The following FER1L6 variants were observed in gnomAD, a reference collection of about 807,000 sequenced individuals.
FER1L6 encodes fer-1 like family member 6.
In FER1L6, 177 loss-of-function variants were observed where a neutral mutation model predicts 219.2. That is an observed-to-expected ratio of 0.81 (90% CI 0.71 to 0.91). FER1L6 has a LOEUF of 0.91. Ranked by LOEUF, FER1L6 falls within the 40% of genes least tolerant of loss-of-function variation. FER1L6 has a pLI of 0.00. For synonymous variants in FER1L6, 768 were observed against 824.3 expected (o/e 0.93, Z 1.17); for missense variants, 2,153 against 2,259.9 (o/e 0.95, Z 0.96).
At chr8:123,885,650 C>A (rs1229398245) in intron 1 of FER1L6, among the ~76,000 whole-genome samples, 1 of 152,186 alleles carries the variant, frequency 6.6e-6, no homozygotes, top group Non-Finnish European at 1.5e-5. Context: ...CAATGTCACA[C>A]AGTAAGAGGC....
chr8:124,025,760 T>TGG (rs907695701), intron 18 of FER1L6, among the ~76,000 whole-genome samples: 9 of 152,202 alleles, frequency 5.9e-5, no homozygotes, highest in African/African-American at 2.2e-4. Context: ...GTTGATTGTT[T>TGG]GGGGCAGTAT....
intron 1 of FER1L6, among the ~76,000 whole-genome samples, chr8:123,933,491 G>T (rs1014842531): frequency 6.6e-6 from 1 of 152,070 alleles, no homozygotes; most frequent in Admixed American, 6.5e-5. Flanking sequence ...CTCAGTGTCT[G>T]GCACGTAGCA....
chr8:123,873,874 C>G (rs1816963054), intron 1 of FER1L6, among the ~76,000 whole-genome samples: 1 of 152,164 alleles, frequency 6.6e-6, no homozygotes, highest in Non-Finnish European at 1.5e-5. Context: ...CTTCTGTCTT[C>G]TAATGCTCTG....
At chr8:124,107,002 G>A (rs917860019) in intron 39 of FER1L6, among the ~76,000 whole-genome samples, 1 of 146,822 alleles carries the variant, frequency 6.8e-6, no homozygotes, top group Non-Finnish European at 1.5e-5. Context: ...AGGCTGGAGT[G>A]CAGTGGTGCA....
intron 35 of FER1L6, 32 bp from the exon 36 acceptor site, chr8:124,097,239 A>C (rs756047096): frequency 1.3e-6 from 2 of 1,564,366 alleles, no homozygotes; most frequent in South Asian, 2.2e-5. Context: ...CCCCCTCCCA[A>C]AGCTAAAGAA....
chr8:124,116,883 A>C lies in FER1L6; in HGVS notation c.5290-1961A>C, dbSNP rs147283687. Reference sequence around the variant, plus strand: ...CTTATTTCTTGAGTCTCTCCCAGCCATCAAGTCCTTAACTCTGCCTTTCAT... The same window carrying C: ...CTTATTTCTTGAGTCTCTCCCAGCCCTCAAGTCCTTAACTCTGCCTTTCAT... On this transcript the variant is annotated intron_variant, in intron 39 of 40. Coordinates refer to ENST00000522917, the MANE Select transcript of FER1L6 (RefSeq NM_001039112.2). Among the ~76,000 whole-genome samples, 9 of 152,206 alleles carry C rather than the reference A, an allele frequency of 5.9e-5. No individual in the cohort carries two copies. In the East Asian group the frequency reaches 1.5e-3, roughly 26 times the overall value.
At chr8:124,076,601 TTAAG>T (rs1370981119) in intron 32 of FER1L6, among the ~76,000 whole-genome samples, 1 of 152,206 alleles carries the variant, frequency 6.6e-6, no homozygotes, top group Non-Finnish European at 1.5e-5. Context: ...TTTTGTGAAC[TTAAG>T]TAGAGAAATA....
Position 124,091,541 on chromosome 8 carries a change from C to G in FER1L6, c.4510C>G (p.Gln1504Glu), listed in dbSNP as rs377046476. Residue 1504 changes from glutamine (Q) to glutamate (E), a missense_variant, in exon 34 of 41, where the codon CAA becomes GAA. By Grantham distance (29) the Gln-to-Glu change is conservative. Coordinates refer to ENST00000522917, the MANE Select transcript of FER1L6 (RefSeq NM_001039112.2). The stretch of plus-strand genomic sequence containing the variant: ...CCCTGGGAAAATACAGATAGGAAAC[C>G]AAGTCTTTTCTGGAAAAACTATCTT... ...FHPGKIQIGN[Q>E]VFSGKTIFTE... 4 of 1,613,906 alleles carry G rather than the reference C, an allele frequency of 2.5e-6. No individual in the cohort carries two copies. Among genetic ancestry groups the G allele is most frequent in the South Asian group, 2.2e-5 (2 of 91,072 alleles).
At chr8:123,916,045 G>A (rs1386171704) in intron 1 of FER1L6, among the ~76,000 whole-genome samples, 1 of 145,354 alleles carries the variant, frequency 6.9e-6, no homozygotes, top group Non-Finnish European at 1.5e-5. Context: ...ATCTCTGAGG[G>A]TGCATTTCCT....
chr8:123,998,867 C>T (rs1817272207), intron 12 of FER1L6, among the ~76,000 whole-genome samples: 1 of 152,184 alleles, frequency 6.6e-6, no homozygotes, highest in Non-Finnish European at 1.5e-5. Flanking sequence ...GCAAGTACTG[C>T]CTGGCGATTA....
chr8:124,091,925 C>A (rs1043133446), intron 34 of FER1L6, among the ~76,000 whole-genome samples: 124 of 149,308 alleles, frequency 8.3e-4, no homozygotes, highest in African/African-American at 2.8e-3. Context: ...AGAGATTGTG[C>A]CACTGCACTC....
chr8:123,975,682 A>T (rs1816036425), intron 8 of FER1L6, among the ~76,000 whole-genome samples: 1 of 152,216 alleles, frequency 6.6e-6, no homozygotes, highest in African/African-American at 2.4e-5. Context: ...GACAGTATTT[A>T]TCCTATCCTA....
intron 1 of FER1L6, among the ~76,000 whole-genome samples, chr8:123,934,755 A>G (rs563545376): frequency 6.6e-6 from 1 of 151,864 alleles, no homozygotes; most frequent in South Asian, 2.1e-4. Flanking sequence ...TATAATCCCC[A>G]CGTGTTGGGG....
intron 22 of FER1L6, among the ~76,000 whole-genome samples, chr8:124,051,337 A>T (rs1820017581): frequency 1.3e-5 from 2 of 152,180 alleles, no homozygotes; most frequent in Non-Finnish European, 2.9e-5. Flanking sequence ...TAAAAGGTAA[A>T]GTACCACCAG....
At chr8:123,925,710 A>C (rs1813538434) in intron 1 of FER1L6, 1 of 152,246 alleles carries the variant, frequency 6.6e-6, no homozygotes, top group African/African-American at 2.4e-5. Context: ...CAGACCCCAG[A>C]GTGTGCCTAC....
chr8:124,023,531 C>T lies in FER1L6; in HGVS notation c.2221C>T (p.Leu741Phe), dbSNP rs867125983. The change falls in exon 18 of 41, where the codon CTC becomes TTC. Residue 741 changes from leucine (L) to phenylalanine (F), a missense_variant. Physicochemically the swap from Leu to Phe is conservative, Grantham distance 22. Coordinates refer to ENST00000522917, the MANE Select transcript of FER1L6 (RefSeq NM_001039112.2). ...AYARIASKDL[L>F]YSPVAGQMGK... The stretch of plus-strand genomic sequence containing the variant: ...TGCCCGCATCGCCTCCAAAGACCTC[C>T]TCTATTCCCCTGTCGCGGGGCAGAT... 10 of 1,614,098 alleles carry T rather than the reference C, an allele frequency of 6.2e-6. No individual in the cohort carries two copies. The African/African-American group carries it at 8.0e-5, about 13-fold the overall frequency.
intron 20 of FER1L6, 53 bp from the exon 21 acceptor site, chr8:124,045,714 C>A (rs2130758539): frequency 6.3e-7 from 1 of 1,592,218 alleles, no homozygotes; most frequent in Non-Finnish European, 8.6e-7. Context: ...AACCTTAGAG[C>A]CCCTATAACT....
At position 124,076,229 on chromosome 8, in the gene FER1L6, G is replaced by A; in HGVS notation, c.4124G>A (p.Gly1375Asp). ...AATCTTAGTCCAGCTGATCCAGATG[G>A]CAAATCAGATCCCTACATTGTGATC... ...AFNLSPADPD[G>D]KSDPYIVIKL... The change falls in exon 32 of 41, where the codon GGC becomes GAC. Residue 1375 changes from glycine (G) to aspartate (D), a missense_variant. Transcript: ENST00000522917. The A allele has an allele frequency of 1.2e-6, 2 of 1,613,998 alleles. No homozygotes were observed. Among genetic ancestry groups the A allele is most frequent in the South Asian group, 1.1e-5 (1 of 91,060 alleles).
intron 39 of FER1L6, among the ~76,000 whole-genome samples, chr8:124,105,640 G>C (rs1290435396): frequency 6.6e-6 from 1 of 152,214 alleles, no homozygotes; most frequent in Non-Finnish European, 1.5e-5. Flanking sequence ...AAGCCACAAA[G>C]ATGTGCCCAT....
Sources: allele counts gnomAD v4.1 joint callset (sites outside exome capture counted in the v4.1 genomes callset), GRCh38; gene constraint gnomAD v4.1.1; transcripts MANE v1.5; gene names NCBI Gene and HGNC (gene_info 2026-07-23, HGNC 2026-07-21).